GPM6B: variants seen among roughly 807,000 people sequenced by gnomAD.
GPM6B encodes the protein neuronal membrane glycoprotein M6-b.
Under a neutral mutation model 27.2 loss-of-function variants are expected in GPM6B, and 4 were observed. The observed-to-expected ratio is 0.15, with a 90% CI of 0.07 to 0.34. The LOEUF (loss-of-function observed/expected upper bound fraction) is 0.34, where lower values mean the gene tolerates loss of function less well. Ranked by LOEUF, GPM6B falls within the 10% of genes least tolerant of loss-of-function variation. The probability of loss-of-function intolerance (pLI) is 1.00; values close to 1 mark genes in which losing one functional copy is unlikely to be tolerated. For missense variants in GPM6B, 183 were observed against 261.9 expected (o/e 0.70, Z 2.08); for synonymous variants, 124 against 103.1 (o/e 1.20, Z -1.23).
rs1404977237 is a variant in GPM6B at position 13,826,532 on chromosome X, C to A, written c.-197-40724G>T. Among the ~76,000 whole-genome samples, 3 of 105,488 alleles carry A rather than the reference C, an allele frequency of 2.8e-5. No individual in the cohort carries two copies. The East Asian group carries it at 8.9e-4, about 31-fold the overall frequency. The allele number at this position is 105,488 out of a possible 115,157, so 91.6% of individuals were successfully genotyped here. ...CCAGCCTGGGCAACATAGAAAGACC[C>A]TGCCTCTATTAAAATACATACATAC... On this transcript the variant is annotated intron_variant, in intron 1 of 6. Transcript: ENST00000398361.
At chrX:13,823,763 G>A (rs180696688) in intron 1 of GPM6B, among the ~76,000 whole-genome samples, 2,422 of 111,487 alleles carry the variant, frequency 0.022, 31 homozygotes, top group East Asian at 0.093. Flanking sequence ...CAAGTGATCC[G>A]CCTGCCTCAG....
intron 1 of GPM6B, among the ~76,000 whole-genome samples, chrX:13,909,386 C>T (rs997902977): frequency 1.6e-4 from 18 of 110,827 alleles, no homozygotes; most frequent in African/African-American, 5.9e-4. Flanking sequence ...CCTAGGCCTC[C>T]CAAAGTGCTG....
At chrX:13,785,479 C>T (rs1375997205) in intron 3 of GPM6B, 143 bp downstream of exon 3, 2 of 503,071 alleles carry the variant, frequency 4.0e-6, no homozygotes, top group East Asian at 3.6e-5. Context: ...GTAGAGGTGG[C>T]GTTTCACCAT....
intron 1 of GPM6B, among the ~76,000 whole-genome samples, chrX:13,852,590 TTTTGA>T (rs1164596535): frequency 9.0e-6 from 1 of 110,818 alleles, no homozygotes; most frequent in Non-Finnish European, 1.9e-5. Context: ...TGTACCCTGC[TTTTGA>T]TTTAATTCAC....
intron 1 of GPM6B, among the ~76,000 whole-genome samples, chrX:13,911,563 C>T (rs1454298915): frequency 8.9e-6 from 1 of 112,168 alleles, no homozygotes; most frequent in Non-Finnish European, 1.9e-5. Context: ...AGCTAGTGAC[C>T]ATCATATTGG....
chrX:13,813,609 G>A (rs1265163555), intron 1 of GPM6B, among the ~76,000 whole-genome samples: 1 of 111,933 alleles, frequency 8.9e-6, no homozygotes, highest in Non-Finnish European at 1.9e-5. Flanking sequence ...AAGTTGTTAT[G>A]ATTCAATTGT....
chrX:13,796,023 T>C (rs2048808743), intron 2 of GPM6B, among the ~76,000 whole-genome samples: 1 of 111,408 alleles, frequency 9.0e-6, no homozygotes, highest in Admixed American at 9.5e-5. Flanking sequence ...GCCTCCCAGG[T>C]TCAAGCGATT....
intron 1 of GPM6B, among the ~76,000 whole-genome samples, chrX:13,828,485 G>C (rs777084317): frequency 9.0e-6 from 1 of 111,472 alleles, no homozygotes; most frequent in East Asian, 2.8e-4. Flanking sequence ...GTAACTGTAA[G>C]AAATAATTTT....
intron 5 of GPM6B, among the ~76,000 whole-genome samples, chrX:13,779,183 G>A (rs1304304761): frequency 2.7e-5 from 3 of 111,866 alleles, no homozygotes; most frequent in African/African-American, 9.8e-5. Flanking sequence ...CTGACAGGAG[G>A]AGCCAGTGGT....
intron 4 of GPM6B, among the ~76,000 whole-genome samples, chrX:13,782,757 CA>C (rs36124855): frequency 9.3e-4 from 29 of 31,151 alleles, no homozygotes; most frequent in African/African-American, 1.9e-3. Context: ...TGCTCCGTCT[CA>C]AAAAAAAAAA....
intron 1 of GPM6B, among the ~76,000 whole-genome samples, chrX:13,811,456 T>C (rs1272576447): frequency 8.9e-6 from 1 of 112,378 alleles, no homozygotes. Flanking sequence ...CTATATTTGT[T>C]ATCTTTCATT....
At chrX:13,922,988 T>C (rs766358801) in intron 1 of GPM6B, among the ~76,000 whole-genome samples, 1 of 111,785 alleles carries the variant, frequency 8.9e-6, no homozygotes, top group African/African-American at 3.3e-5. Context: ...CCAGCCTGGC[T>C]AACACAGTGA....
chrX:13,842,983 T>TC (rs1479381326), intron 1 of GPM6B, among the ~76,000 whole-genome samples: 2 of 111,127 alleles, frequency 1.8e-5, no homozygotes, highest in African/African-American at 3.3e-5. Flanking sequence ...TTTAATATAT[T>TC]CCCCCCTTTC....
chrX:13,902,747 C>G (rs1024832255), intron 1 of GPM6B, among the ~76,000 whole-genome samples: 16 of 111,697 alleles, frequency 1.4e-4, no homozygotes, highest in African/African-American at 5.2e-4. Flanking sequence ...AAGCCCATCT[C>G]TCTTTATTCC....
chrX:13,873,758 C>T (rs747319759), intron 1 of GPM6B, among the ~76,000 whole-genome samples: 2 of 111,549 alleles, frequency 1.8e-5, no homozygotes, highest in South Asian at 3.8e-4. Flanking sequence ...AAAATGTGCT[C>T]AAGGGATCCA....
intron 1 of GPM6B, among the ~76,000 whole-genome samples, chrX:13,908,506 G>A (rs1269711860): frequency 1.8e-5 from 2 of 112,282 alleles, no homozygotes; most frequent in Non-Finnish European, 3.8e-5. Flanking sequence ...TCACAAGTTG[G>A]AGGAAACTAA....
At position 13,807,353 on chromosome X, in the gene GPM6B, C is replaced by A. The variant is rs1042536093; in HGVS notation, c.181+297G>T. ...CAGGCATTGGAAATTTCATGGTTAACCAAAGGCATATCTCACTGTACATTG... is the reference window on the plus strand; with the variant it reads ...CAGGCATTGGAAATTTCATGGTTAAACAAAGGCATATCTCACTGTACATTG... On this transcript the variant is annotated intron_variant, in intron 2 of 7. Coordinates refer to ENST00000316715, the MANE Select transcript of GPM6B (RefSeq NM_001001995.3). Among the ~76,000 whole-genome samples, 3 of 111,337 alleles carry A rather than the reference C, an allele frequency of 2.7e-5. No individual in the cohort carries two copies. The South Asian group carries it at 1.2e-3, about 43-fold the overall frequency.
intron 4 of GPM6B, among the ~76,000 whole-genome samples, 179 bp from the exon 5 acceptor site, chrX:13,780,168 C>A (rs753670865): frequency 9.0e-6 from 1 of 111,629 alleles, no homozygotes. Flanking sequence ...GAAGTAAGAG[C>A]CAGCCACATT....
intron 1 of GPM6B, among the ~76,000 whole-genome samples, chrX:13,930,657 C>G (rs1055750363): frequency 9.0e-6 from 1 of 110,951 alleles, no homozygotes; most frequent in Non-Finnish European, 1.9e-5. Flanking sequence ...ACTACAGATA[C>G]TATAGATAAC....
Sources: allele counts gnomAD v4.1 joint callset (sites outside exome capture counted in the v4.1 genomes callset), GRCh38; gene constraint gnomAD v4.1.1; transcripts MANE v1.5; gene names NCBI Gene and HGNC (gene_info 2026-07-23, HGNC 2026-07-21).